Variants in CCDC7 observed in about 807,000 individuals in gnomAD.
CCDC7 encodes the protein coiled-coil domain containing 7.
In CCDC7, 183 loss-of-function variants were observed where a neutral mutation model predicts 196.9. The observed-to-expected ratio is 0.93, with a 90% CI of 0.82 to 1.05. CCDC7 has a LOEUF of 1.05. CCDC7 is among the 50% of genes least tolerant of loss of function. The pLI is 0.00. For synonymous variants in CCDC7, 525 were observed against 484.6 expected, an observed-to-expected ratio of 1.08 and a Z score of -1.10; for missense variants, 1,540 against 1,482.2, an observed-to-expected ratio of 1.04 and a Z score of -0.64.
intron 9 of CCDC7, among the ~76,000 whole-genome samples, chr10:32,503,650 T>G (rs965745633): frequency 2.6e-5 from 4 of 152,214 alleles, no homozygotes; most frequent in Non-Finnish European, 4.4e-5. Flanking sequence ...TGAAATAGTT[T>G]AGAAGTATTT....
intron 8 of CCDC7, among the ~76,000 whole-genome samples, chr10:32,475,391 A>T (rs1173151121): frequency 1.3e-5 from 2 of 152,200 alleles, no homozygotes; most frequent in Non-Finnish European, 2.9e-5. Context: ...TCCAGTATTT[A>T]AGTGGTTTAA....
intron 29 of CCDC7, among the ~76,000 whole-genome samples, chr10:32,801,892 C>T (rs1008059343): frequency 8.5e-5 from 13 of 152,204 alleles, no homozygotes; most frequent in African/African-American, 2.9e-4. Context: ...CAAAAAGTCT[C>T]ATCAGAATTT....
chr10:32,591,561 T>C (rs774533945), intron 18 of CCDC7, among the ~76,000 whole-genome samples: 2 of 151,756 alleles, frequency 1.3e-5, no homozygotes, highest in African/African-American at 2.4e-5. Context: ...ATGGGTTATA[T>C]GATTTGCAAG....
At chr10:32,585,480 C>G (rs576758279) in intron 18 of CCDC7, among the ~76,000 whole-genome samples, 55 of 152,132 alleles carry the variant, frequency 3.6e-4, no homozygotes, top group Non-Finnish European at 6.0e-4. Context: ...CACCCATCAA[C>G]CCGTCATCTA....
At chr10:32,449,062 G>A (rs1350930535), upstream of CCDC7, among the ~76,000 whole-genome samples, 1 of 151,664 alleles carries the variant, frequency 6.6e-6, no homozygotes, top group Non-Finnish European at 1.5e-5. Flanking sequence ...CTTCACTTGG[G>A]TCTTAAAAAT....
At chr10:32,483,525 T>G (rs1187106097) in intron 8 of CCDC7, among the ~76,000 whole-genome samples, 1 of 152,252 alleles carries the variant, frequency 6.6e-6, no homozygotes, top group Non-Finnish European at 1.5e-5. Context: ...CAATTTTGGC[T>G]TTTGTTGCCA....
At chr10:32,684,826 A>C (rs1318788074) in intron 21 of CCDC7, among the ~76,000 whole-genome samples, 1 of 152,168 alleles carries the variant, frequency 6.6e-6, no homozygotes, top group Non-Finnish European at 1.5e-5. Context: ...TTCTCCACAC[A>C]CTTGTCCAAG....
At chr10:32,618,953 T>C (rs2063080666) in intron 18 of CCDC7, among the ~76,000 whole-genome samples, 1 of 122,254 alleles carries the variant, frequency 8.2e-6, no homozygotes, top group Non-Finnish European at 1.7e-5. Flanking sequence ...CTTTTATCTT[T>C]ATTTTTATCT....
chr10:32,711,328 ATTGT>A (rs2080805620), intron 24 of CCDC7, among the ~76,000 whole-genome samples: 2 of 152,058 alleles, frequency 1.3e-5, no homozygotes, highest in Admixed American at 6.6e-5. Flanking sequence ...ATGCATTTTC[ATTGT>A]TTGGTCTATG....
intron 28 of CCDC7, among the ~76,000 whole-genome samples, chr10:32,748,071 C>T (rs969411222): frequency 1.3e-5 from 2 of 152,132 alleles, no homozygotes; most frequent in African/African-American, 4.8e-5. Context: ...GCAACATGGA[C>T]AGAGCTAGCA....
chr10:32,542,655 C>T (rs934857555), intron 11 of CCDC7, among the ~76,000 whole-genome samples: 6 of 104,632 alleles, frequency 5.7e-5, no homozygotes, highest in Non-Finnish European at 1.2e-4. Context: ...AAAAAAAAAG[C>T]AGAAAGCAAC....
chr10:32,546,151 G>T (rs2052427656), intron 13 of CCDC7, among the ~76,000 whole-genome samples: 1 of 152,136 alleles, frequency 6.6e-6, no homozygotes, highest in Admixed American at 6.5e-5. Flanking sequence ...ATAGACTCTA[G>T]CATGCTGTTT....
intron 18 of CCDC7, among the ~76,000 whole-genome samples, chr10:32,595,649 A>G (rs576463159): frequency 6.6e-6 from 1 of 152,290 alleles, no homozygotes; most frequent in South Asian, 2.1e-4. Flanking sequence ...TGTCCATTTT[A>G]GATCTCTGCT....
chr10:32,659,090 G>T (rs968103064), intron 20 of CCDC7, among the ~76,000 whole-genome samples: 2 of 151,916 alleles, frequency 1.3e-5, no homozygotes, highest in Non-Finnish European at 2.9e-5. Context: ...GACTTAGTTT[G>T]CTCTTTGTTT....
At chr10:32,761,222 C>T (rs2077417487) in intron 28 of CCDC7, among the ~76,000 whole-genome samples, 1 of 151,960 alleles carries the variant, frequency 6.6e-6, no homozygotes, top group African/African-American at 2.4e-5. Flanking sequence ...CTCACTGGGG[C>T]ACCCAGCAGT....
chr10:32,785,835 A>G (rs2081773069), intron 29 of CCDC7, among the ~76,000 whole-genome samples: 2 of 152,096 alleles, frequency 1.3e-5, no homozygotes, highest in Admixed American at 1.3e-4. Flanking sequence ...TATTTCCCCA[A>G]GTTTTTGTTC....
chr10:32,646,127 T>C (rs1463284324), intron 20 of CCDC7, among the ~76,000 whole-genome samples: 2 of 151,880 alleles, frequency 1.3e-5, no homozygotes, highest in African/African-American at 4.8e-5. Context: ...GTTGTTTATT[T>C]GAGTTCTTTC....
intron 13 of CCDC7, among the ~76,000 whole-genome samples, chr10:32,552,395 G>A (rs943880104): frequency 1.3e-5 from 2 of 152,134 alleles, no homozygotes; most frequent in African/African-American, 4.8e-5. Context: ...TCCAATGTTA[G>A]TAATGAAATG....
intron 31 of CCDC7, among the ~76,000 whole-genome samples, chr10:32,815,909 C>T (rs1296568385): frequency 5.3e-5 from 8 of 152,154 alleles, no homozygotes; most frequent in African/African-American, 1.9e-4. Flanking sequence ...GTCCACAGCT[C>T]CCAGTGTGAG....
Sources: gnomAD v4.1 joint callset for allele counts (sites outside exome capture counted in the v4.1 genomes callset) on GRCh38, gnomAD v4.1.1 for gene constraint, MANE v1.5 for transcripts, NCBI Gene and HGNC (gene_info 2026-07-23, HGNC 2026-07-21) for gene names.